The following SENP1 variants were observed in gnomAD, a reference collection of about 807,000 sequenced individuals.
SENP1 encodes the protein sentrin-specific protease 1.
SENP1 carries 21 observed loss-of-function variants against 93.0 expected under a neutral mutation model. The ratio of observed to expected loss-of-function variants is 0.23; its 90% CI spans 0.16 to 0.33. The LOEUF is 0.33. Ranked by LOEUF, SENP1 falls within the 10% of genes least tolerant of loss-of-function variation. SENP1 has a pLI of 1.00. For missense variants in SENP1, 591 were observed against 758.7 expected, an observed-to-expected ratio of 0.78 and a Z score of 2.60; for synonymous variants, 256 against 259.6, an observed-to-expected ratio of 0.99 and a Z score of 0.13.
rs774723983 is a variant in SENP1, at chr12:48,098,068, T to A, written c.61A>T (p.Asn21Tyr). The change falls in exon 3 of 18, where the codon AAC becomes TAC. Residue 21 changes from asparagine (N) to tyrosine (Y), a missense_variant. Around this residue, in one of 4 missense-constraint regions of SENP1, gnomAD observed 214 missense variants for 243.4 expected, o/e 0.88. Coordinates refer to ENST00000549518, the MANE Select transcript of SENP1 (RefSeq NM_001267594.2). ...DAGEVTLVNHNSVFKTHLLPQ... is the reference protein window; with the variant it reads ...DAGEVTLVNHYSVFKTHLLPQ... The stretch of plus-strand genomic sequence containing the variant: ...AGGAGGTGGGTTTTGAATACGGAGT[T>A]GTGGTTCACTAAAGTCACTTCTCCA... 6.2e-7 allele frequency: 1 copy of A among 1,613,634 alleles called. No individual in the cohort carries two copies. The highest frequency in any genetic ancestry group is 8.5e-7 in the Non-Finnish European group (1 of 1,179,694).
At chr12:48,105,442 G>A (rs1012768097) in intron 1 of SENP1, 2 of 519,064 alleles carry the variant, frequency 3.9e-6, no homozygotes, top group Non-Finnish European at 7.7e-6. Context: ...TGGCAGTTAA[G>A]GGGATTTTCA....
intron 6 of SENP1, among the ~76,000 whole-genome samples, chr12:48,077,945 A>AT (rs1199416606): frequency 6.6e-6 from 1 of 151,736 alleles, no homozygotes; most frequent in African/African-American, 2.4e-5. Context: ...GAATTTTAGT[A>AT]TTTTTTTCTA....
In SENP1 at chr12:48,083,666, A is replaced by G. The variant is rs753000314; in HGVS notation, c.477T>C (p.Ser159=). 8 of 1,613,752 alleles carry G rather than the reference A, an allele frequency of 5.0e-6. No individual in the cohort carries two copies. The Admixed American group carries it at 6.7e-5, about 13-fold the overall frequency. The change falls in exon 6 of 18, where the codon TCT becomes TCC. Residue 159 remains serine, a synonymous_variant. Coordinates refer to ENST00000549518, the MANE Select transcript of SENP1 (RefSeq NM_001267594.2). ...GACTTCGACGACATGAACCACTCCAAGATGGACTTGGAACAGGTTTAATAG... is the reference window on the plus strand; with the variant it reads ...GACTTCGACGACATGAACCACTCCAGGATGGACTTGGAACAGGTTTAATAG... The part of the protein sequence containing the change: ...SFPIKPVPSP[S]WSGSCRRSLL...
At chr12:48,089,221 G>A in intron 4 of SENP1, 1 of 1,462,958 alleles carries the variant, frequency 6.8e-7, no homozygotes, top group Non-Finnish European at 9.1e-7. Flanking sequence ...CTGCATCAAT[G>A]TGACTCCGTG....
At chr12:48,063,125 A>G (rs1943066642) in intron 13 of SENP1, among the ~76,000 whole-genome samples, 2 of 152,222 alleles carry the variant, frequency 1.3e-5, no homozygotes, top group South Asian at 4.1e-4. Flanking sequence ...AGTGTAATTA[A>G]TATACTTAAA....
chr12:48,065,674 A>C lies in SENP1; in HGVS notation c.1041T>G (p.Ser347Arg). Reference protein sequence around the residue: ...QAELWIKELTSVYDSRARERL... With the variant: ...QAELWIKELTRVYDSRARERL... ...TTTCTCGTGCTCGAGAATCATAAACACTAGTTCTAGAAAATGAAAAGGAAC... is the reference window on the plus strand; with the variant it reads ...TTTCTCGTGCTCGAGAATCATAAACCCTAGTTCTAGAAAATGAAAAGGAAC... The change falls in exon 11 of 18, where the codon AGT (serine) becomes AGG (arginine). Residue 347 changes from serine to arginine, a missense_variant. Ser to Arg is a moderately radical substitution (Grantham distance 110). Around this residue, in one of 4 missense-constraint regions of SENP1, gnomAD observed 238 missense variants for 259.1 expected, o/e 0.92. Transcript: ENST00000549518. 1.3e-6 allele frequency: 2 copies of C among 1,553,658 alleles called. No individual in the cohort carries two copies. Among genetic ancestry groups the C allele is most frequent in the African/African-American group, 1.4e-5 (1 of 73,378 alleles).
intron 8 of SENP1, among the ~76,000 whole-genome samples, chr12:48,072,304 T>C (rs1943762292): frequency 6.6e-6 from 1 of 152,168 alleles, no homozygotes. Flanking sequence ...CAATTGACTG[T>C]CTCAGTATAG....
At chr12:48,084,805 G>A (rs1307863106) in intron 5 of SENP1, among the ~76,000 whole-genome samples, 1 of 152,054 alleles carries the variant, frequency 6.6e-6, no homozygotes, top group Non-Finnish European at 1.5e-5. Context: ...AAAGTTTGAG[G>A]TACTTATTCT....
At chr12:48,088,645 T>A (rs1473598840) in intron 5 of SENP1, 156 bp downstream of exon 5, 2 of 687,530 alleles carry the variant, frequency 2.9e-6, no homozygotes, top group Non-Finnish European at 4.9e-6. Flanking sequence ...AAATGAGAAG[T>A]TGAAAATGTA....
chr12:48,071,078 T>C (rs1281014891), intron 9 of SENP1, among the ~76,000 whole-genome samples: 5 of 152,008 alleles, frequency 3.3e-5, no homozygotes, highest in Admixed American at 2.6e-4. Context: ...AGCAAGACCC[T>C]GTCTCAAAAC....
chr12:48,058,898 TAG>T (rs1483044080), intron 13 of SENP1, among the ~76,000 whole-genome samples: 1 of 152,218 alleles, frequency 6.6e-6, no homozygotes, highest in Non-Finnish European at 1.5e-5. Flanking sequence ...TTGCTGGGTA[TAG>T]AATTTCTACT....
intron 5 of SENP1, among the ~76,000 whole-genome samples, chr12:48,084,124 TTTCTA>T (rs2137143726): frequency 6.6e-6 from 1 of 152,288 alleles, no homozygotes; most frequent in East Asian, 1.9e-4. Flanking sequence ...ACACATACAT[TTTCTA>T]TTATTCCCTG....
intron 12 of SENP1, among the ~76,000 whole-genome samples, chr12:48,064,361 A>G (rs999141538): frequency 9.9e-5 from 15 of 152,222 alleles, no homozygotes; most frequent in African/African-American, 1.9e-4. Flanking sequence ...GTATGGATAA[A>G]GAAACGGATT....
intron 13 of SENP1, 188 bp downstream of exon 13, chr12:48,063,522 T>C (rs1047987378): frequency 8.2e-5 from 42 of 513,396 alleles, no homozygotes; most frequent in South Asian, 7.3e-4. Flanking sequence ...AAAATACACC[T>C]GAGATGTTTG....
chr12:48,084,370 G>A (rs1447042337), intron 5 of SENP1, among the ~76,000 whole-genome samples: 2 of 150,990 alleles, frequency 1.3e-5, no homozygotes, highest in African/African-American at 4.9e-5. Flanking sequence ...TATCTAATGG[G>A]AAAAATTGGC....
Position 48,074,068 on chromosome 12 carries a change from C to CT in SENP1, c.940+255dup, listed in dbSNP as rs146446483. Among the ~76,000 whole-genome samples, 1,206 of 152,230 alleles carry CT rather than the reference C, an allele frequency of 7.9e-3. 29 individuals are homozygous for CT. The highest frequency in any genetic ancestry group is 0.027 in the African/African-American group (1,142 of 41,534). On this transcript the variant is annotated intron_variant, in intron 8 of 17. Coordinates refer to ENST00000549518, the MANE Select transcript of SENP1 (RefSeq NM_001267594.2). The stretch of plus-strand genomic sequence containing the variant: ...AGTTTCAAATTTTGGATTTTTTGGA[C>CT]TTTTGAATATTTGCATTATACAATT...
chr12:48,088,088 G>C (rs1394033933), intron 5 of SENP1, among the ~76,000 whole-genome samples: 2 of 150,094 alleles, frequency 1.3e-5, no homozygotes, highest in Admixed American at 6.6e-5. Context: ...AGGTCACTCT[G>C]TCACCCAGGC....
intron 13 of SENP1, among the ~76,000 whole-genome samples, chr12:48,056,323 T>C (rs1301843996): frequency 1.3e-5 from 1 of 79,422 alleles, no homozygotes; most frequent in East Asian, 1.0e-3. Flanking sequence ...ATATCACATA[T>C]ATAAATATTA....
At chr12:48,079,133 C>T (rs892139789) in intron 6 of SENP1, among the ~76,000 whole-genome samples, 24 of 150,214 alleles carry the variant, frequency 1.6e-4, no homozygotes, top group African/African-American at 4.9e-4. Flanking sequence ...CTGGGTGACA[C>T]ACTGAGACTC....
Sources: allele counts gnomAD v4.1 joint callset (sites outside exome capture counted in the v4.1 genomes callset), GRCh38; gene constraint gnomAD v4.1.1; regional missense constraint gnomAD v4.1.1; transcripts MANE v1.5; gene names NCBI Gene and HGNC (gene_info 2026-07-23, HGNC 2026-07-21).